Variants in ARL9 observed in about 807,000 individuals in gnomAD.
ARL9 encodes ADP-ribosylation factor-like protein 9.
Under a neutral mutation model 27.0 loss-of-function variants are expected in ARL9, and 14 were observed. The observed-to-expected ratio is 0.52, with a 90% CI of 0.34 to 0.81. ARL9 has a LOEUF of 0.81. ARL9 is among the 30% of genes least tolerant of loss of function. ARL9 has a pLI of 0.01. For missense variants in ARL9, 294 were observed against 290.0 expected (o/e 1.01, Z -0.10); for synonymous variants, 106 against 108.7 (o/e 0.98, Z 0.15).
rs75287912 is a variant in ARL9, at chr4:56,523,006, T to C, written c.619-691T>C. ...AAAGTATCATATAGACCTAAAACAA[T>C]AGATGAATCAAATTTCTGTTATTAA... On this transcript the variant is annotated intron_variant, in intron 3 of 3. Transcript: ENST00000640821. Among the ~76,000 whole-genome samples the C allele has an allele frequency of 3.7e-3, 563 of 152,310 alleles. 7 individuals are homozygous for C. Among genetic ancestry groups the C allele is most frequent in the African/African-American group, 0.013 (537 of 41,560 alleles).
chr4:56,513,771 AC>A (rs1278394175), intron 2 of ARL9, among the ~76,000 whole-genome samples: 1 of 152,188 alleles, frequency 6.6e-6, no homozygotes, highest in East Asian at 1.9e-4. Flanking sequence ...CCTGCATGAC[AC>A]GAGGGCCCCT....
At chr4:56,516,256 TGTGGAGAAAATATA>T (rs1721763277) in intron 2 of ARL9, among the ~76,000 whole-genome samples, 5 of 152,186 alleles carry the variant, frequency 3.3e-5, no homozygotes, top group Non-Finnish European at 7.3e-5. Context: ...TAAAAAGCTT[TGTGGAGAAAATATA>T]GACTATCCTT....
At chr4:56,506,264 G>T in intron 1 of ARL9, 123 bp downstream of exon 1, 6 of 1,008,774 alleles carry the variant, frequency 5.9e-6, no homozygotes, top group Non-Finnish European at 7.6e-6. Context: ...CTCAACTGAG[G>T]GCTATTTACC....
intron 2 of ARL9, among the ~76,000 whole-genome samples, chr4:56,516,584 C>CAAAAAAA (rs10718013): frequency 2.3e-3 from 280 of 120,310 alleles, no homozygotes; most frequent in Non-Finnish European, 3.0e-3. Context: ...TCAAATTAGG[C>CAAAAAAA]AAAAAAAAAA....
intron 3 of ARL9, among the ~76,000 whole-genome samples, chr4:56,521,322 G>T (rs953530064): frequency 6.6e-6 from 1 of 152,046 alleles, no homozygotes; most frequent in Admixed American, 6.6e-5. Flanking sequence ...ACATGTAAGT[G>T]AGCTGTATAG....
At chr4:56,518,930 G>A in intron 3 of ARL9, 77 bp downstream of exon 3, 1 of 1,321,414 alleles carries the variant, frequency 7.6e-7, no homozygotes, top group Non-Finnish European at 1.0e-6. Flanking sequence ...TACCTAGATA[G>A]TCAACAATAT....
intron 1 of ARL9, among the ~76,000 whole-genome samples, chr4:56,508,681 G>T (rs921912443): frequency 6.6e-6 from 1 of 152,026 alleles, no homozygotes; most frequent in Non-Finnish European, 1.5e-5. Context: ...CCACCGCACC[G>T]GCCTACTTTT....
intron 1 of ARL9, among the ~76,000 whole-genome samples, chr4:56,507,965 CAAA>C (rs202126461): frequency 0.059 from 7,196 of 122,968 alleles, 436 homozygotes; most frequent in African/African-American, 0.17. Flanking sequence ...GATTCTGTAT[CAAA>C]AAAAAAAAAA....
chr4:56,505,273 C>T (rs1721416808), upstream of ARL9: 1 of 400,764 alleles, frequency 2.5e-6, no homozygotes, highest in South Asian at 1.8e-5. Context: ...TCTGGAGACA[C>T]TCCTAGCGGA....
At chr4:56,510,061 T>G (rs1388126773) in intron 1 of ARL9, among the ~76,000 whole-genome samples, 1 of 151,910 alleles carries the variant, frequency 6.6e-6, no homozygotes, top group Non-Finnish European at 1.5e-5. Flanking sequence ...ATACTTATAT[T>G]AGAATTATAA....
Position 56,505,870 on chromosome 4 carries a change from G to C in ARL9, c.8G>C (p.Arg3Thr). Residue 3 changes from arginine to threonine, a missense_variant, in exon 1 of 4, where the codon AGG becomes ACG. Arg to Thr is a moderately conservative substitution (Grantham distance 71). Coordinates refer to ENST00000640821, the MANE Select transcript of ARL9 (RefSeq NM_001363794.2). MERGKVKKKEKEK... is the reference protein window; with the variant it reads METGKVKKKEKEK... ...GAAACCGCGGCGCTGGGGATGGAGA[G>C]GGGGAAAGTGAAGAAGAAAGAGAAG... 4.7e-6 allele frequency: 6 copies of C among 1,269,884 alleles called. No homozygotes were observed. Among genetic ancestry groups the C allele is most frequent in the Non-Finnish European group, 5.9e-6 (6 of 1,009,798 alleles). 78.7% of individuals were successfully genotyped at this position (1,269,884 alleles called of 1,614,324 possible).
intron 1 of ARL9, among the ~76,000 whole-genome samples, chr4:56,510,908 C>T (rs1721619359): frequency 1.3e-5 from 2 of 151,572 alleles, no homozygotes; most frequent in Non-Finnish European, 2.9e-5. Context: ...AGTAGCTGGA[C>T]TTACAGGTGC....
At chr4:56,506,753 C>G in intron 1 of ARL9, 1 of 846,410 alleles carries the variant, frequency 1.2e-6, no homozygotes, top group Non-Finnish European at 1.4e-6. Flanking sequence ...GAGCTGCGCT[C>G]TGGTTCTAAA....
intron 1 of ARL9, among the ~76,000 whole-genome samples, chr4:56,507,122 G>A (rs530394356): frequency 1.4e-4 from 21 of 151,984 alleles, no homozygotes; most frequent in Admixed American, 4.6e-4. Context: ...GTAAAACACA[G>A]ACTACATAGA....
Position 56,524,118 on chromosome 4 carries a change from A to G in ARL9, c.*242A>G, listed in dbSNP as rs1179935749. The stretch of plus-strand genomic sequence containing the variant: ...GAATAATAACACAACAATAAAAATA[A>G]TACACATTTTAAAATACAATATAAC... On this transcript the variant is annotated 3_prime_UTR_variant, in exon 4 of 4. Transcript: ENST00000640821. The G allele has an allele frequency of 2.5e-6, 1 of 406,772 alleles. No homozygotes were observed. The highest frequency in any genetic ancestry group is 4.4e-6 in the Non-Finnish European group (1 of 229,278). The allele number at this position is 406,772 out of a possible 1,614,324, so 25.2% of individuals were successfully genotyped here.
At chr4:56,511,422 T>C (rs1301368779) in intron 2 of ARL9, 75 bp downstream of exon 2, 1 of 1,422,006 alleles carries the variant, frequency 7.0e-7, no homozygotes, top group Non-Finnish European at 9.5e-7. Context: ...GTTAGCAACA[T>C]TGAGTCCTTG....
At chr4:56,509,217 T>G (rs1390526160) in intron 1 of ARL9, among the ~76,000 whole-genome samples, 2 of 150,684 alleles carry the variant, frequency 1.3e-5, no homozygotes, top group Non-Finnish European at 3.0e-5. Flanking sequence ...TTTGTTTTTT[T>G]TTTTTGGGAT....
chr4:56,522,051 T>C lies in ARL9; in HGVS notation c.619-1646T>C, dbSNP rs200195470. 2.3e-4 allele frequency among the ~76,000 whole-genome samples: 34 copies of C among 150,118 alleles called. No individual in the cohort carries two copies. In the East Asian group the frequency reaches 6.5e-3, roughly 29 times the overall value. On this transcript the variant is annotated intron_variant, in intron 3 of 3. Coordinates refer to ENST00000640821, the MANE Select transcript of ARL9 (RefSeq NM_001363794.2). ...CCCAAGCTGGAGTACAGTGGTGTGATCTCGGCTCACTGCAAGCTCCACCTC... is the reference window on the plus strand; with the variant it reads ...CCCAAGCTGGAGTACAGTGGTGTGACCTCGGCTCACTGCAAGCTCCACCTC...
intron 1 of ARL9, among the ~76,000 whole-genome samples, chr4:56,508,471 C>A (rs112438849): frequency 7.2e-5 from 11 of 152,242 alleles, no homozygotes; most frequent in Admixed American, 1.3e-4. Flanking sequence ...CAACCTCCAC[C>A]TCCCAGGTTC....
Sources: gnomAD v4.1 joint callset for allele counts (sites outside exome capture counted in the v4.1 genomes callset) on GRCh38, gnomAD v4.1.1 for gene constraint, MANE v1.5 for transcripts, NCBI Gene and HGNC (gene_info 2026-07-23, HGNC 2026-07-21) for gene names.